RBFOX1: variants seen among roughly 807,000 people sequenced by gnomAD.
The protein encoded by RBFOX1 is RNA binding protein fox-1 homolog 1.
In RBFOX1, 8 loss-of-function variants were observed where a neutral mutation model predicts 57.7. The ratio of observed to expected loss-of-function variants is 0.14; its 90% CI spans 0.08 to 0.25. The LOEUF is 0.25. Among genes scored for constraint, RBFOX1 ranks in the 10% least tolerant of loss-of-function variants. RBFOX1 has a pLI of 1.00. For synonymous variants in RBFOX1, 326 were observed against 222.4 expected (o/e 1.47, Z -4.15); for missense variants, 611 against 548.5 (o/e 1.11, Z -1.14).
intron 1 of RBFOX1, among the ~76,000 whole-genome samples, chr16:6,124,417 C>T (rs936622407): frequency 6.6e-6 from 1 of 152,140 alleles, no homozygotes; most frequent in Non-Finnish European, 1.5e-5. Context: ...GTAAATGAGC[C>T]TAAGATGACC....
intron 2 of RBFOX1, among the ~76,000 whole-genome samples, chr16:6,625,298 A>C (rs1311919759): frequency 6.6e-6 from 1 of 152,022 alleles, no homozygotes; most frequent in Non-Finnish European, 1.5e-5. Flanking sequence ...AATAGAGTCG[A>C]TTTAAATTAG....
intron 1 of RBFOX1, among the ~76,000 whole-genome samples, chr16:6,026,530 A>G (rs1730231572): frequency 6.6e-6 from 1 of 152,216 alleles, no homozygotes; most frequent in Non-Finnish European, 1.5e-5. Flanking sequence ...TGCCTTTGCA[A>G]GATACAAGGG....
intron 2 of RBFOX1, among the ~76,000 whole-genome samples, chr16:6,375,967 C>G (rs2091121879): frequency 6.6e-6 from 1 of 152,074 alleles, no homozygotes; most frequent in Non-Finnish European, 1.5e-5. Context: ...TTTGGATCAC[C>G]CTGCTGCCTC....
intron 2 of RBFOX1, among the ~76,000 whole-genome samples, chr16:6,574,294 G>A (rs1007704886): frequency 3.8e-4 from 57 of 151,988 alleles, no homozygotes; most frequent in Non-Finnish European, 5.6e-4. Context: ...TTTCATGCCG[G>A]CTCTGCCTAG....
At chr16:6,194,321 A>G (rs950913070) in intron 1 of RBFOX1, among the ~76,000 whole-genome samples, 2 of 152,098 alleles carry the variant, frequency 1.3e-5, no homozygotes. Context: ...ACGAGCTTCT[A>G]ATTGGCATTT....
At chr16:7,581,935 A>G (rs1258629012) in intron 6 of RBFOX1, among the ~76,000 whole-genome samples, 1 of 151,740 alleles carries the variant, frequency 6.6e-6, no homozygotes, top group East Asian at 1.9e-4. Flanking sequence ...CAGGCTGCTC[A>G]CAAATTCCTG....
intron 2 of RBFOX1, among the ~76,000 whole-genome samples, chr16:6,354,889 G>T (rs982503637): frequency 6.6e-6 from 1 of 152,106 alleles, no homozygotes; most frequent in Admixed American, 6.5e-5. Context: ...GAGTCCTGAG[G>T]TTACCGTCAT....
chr16:5,838,198 T>A (rs1330381210), intron 3 of RBFOX1: 1 of 179,352 alleles, frequency 5.6e-6, no homozygotes, highest in Non-Finnish European at 1.3e-5. Flanking sequence ...TATGCTCACA[T>A]TACCACACAT....
At chr16:6,514,367 G>T (rs954649119) in intron 2 of RBFOX1, among the ~76,000 whole-genome samples, 1 of 152,044 alleles carries the variant, frequency 6.6e-6, no homozygotes, top group Non-Finnish European at 1.5e-5. Context: ...TCTTTCAGAG[G>T]GTAGAAGGAG....
intron 4 of RBFOX1, among the ~76,000 whole-genome samples, chr16:7,272,237 T>G (rs1309748607): frequency 6.6e-6 from 1 of 152,160 alleles, no homozygotes; most frequent in East Asian, 1.9e-4. Context: ...AGAGCTGGAG[T>G]GCATTGGTAT....
At chr16:7,134,320 G>A (rs1292992199) in intron 4 of RBFOX1, among the ~76,000 whole-genome samples, 1 of 152,134 alleles carries the variant, frequency 6.6e-6, no homozygotes, top group Non-Finnish European at 1.5e-5. Context: ...TCAGAAAGTA[G>A]ACTAAGTGAT....
rs551004833 is a variant in RBFOX1 at position 6,761,530 on chromosome 16, CAG to C, written c.-16+106883_-16+106884del. Among the ~76,000 whole-genome samples the C allele has an allele frequency of 2.0e-3, 16 of 7,982 alleles. 2 individuals are homozygous for C. The South Asian group carries it at 0.099, about 49-fold the overall frequency. The allele number at this position is 7,982 out of a possible 152,430, so 5.2% of individuals were successfully genotyped here. A position where few individuals can be genotyped will look rare whatever the true frequency, so the allele number is the denominator to read the frequency against. ...TTTTTTTTTTTTTTTTTTTTTGAGA[CAG>C]AGTCTTGCTCTGTCACCCAGGCTGG... On this transcript the variant is annotated intron_variant, in intron 3 of 15. Transcript: ENST00000550418.
At chr16:5,553,634 CTG>C (rs2045553984) in intron 2 of RBFOX1, among the ~76,000 whole-genome samples, 1 of 144,614 alleles carries the variant, frequency 6.9e-6, no homozygotes, top group Non-Finnish European at 1.5e-5. Context: ...TATTTTAAAA[CTG>C]TGCAGTAAGC....
intron 1 of RBFOX1, among the ~76,000 whole-genome samples, chr16:6,301,254 G>A (rs551079343): frequency 2.6e-5 from 4 of 152,278 alleles, no homozygotes; most frequent in Admixed American, 2.6e-4. Flanking sequence ...TCATATACAT[G>A]AGTTCTGTAT....
At chr16:7,305,711 T>C (rs926689645) in intron 4 of RBFOX1, among the ~76,000 whole-genome samples, 6 of 152,220 alleles carry the variant, frequency 3.9e-5, no homozygotes, top group Non-Finnish European at 1.5e-5. Flanking sequence ...TCAAGTTGGT[T>C]GACTCCAGAA....
At chr16:6,478,429 A>ATATATAT (rs1159954387) in intron 2 of RBFOX1, among the ~76,000 whole-genome samples, 14 of 24,608 alleles carry the variant, frequency 5.7e-4, no homozygotes, top group African/African-American at 7.7e-4. Flanking sequence ...ATATATATAT[A>ATATATAT]TTTTTTTTTT....
intron 4 of RBFOX1, among the ~76,000 whole-genome samples, chr16:7,241,155 A>G (rs534574132): frequency 3.3e-5 from 5 of 152,232 alleles, no homozygotes; most frequent in African/African-American, 4.8e-5. Flanking sequence ...TTGGAAAATG[A>G]AAAATCCACT....
Position 6,636,783 on chromosome 16 carries a change from A to AATATATGTTATATATAATATATAAT in RBFOX1, c.-63-17814_-63-17813insGTTATATATAATATATAATATATAT, listed in dbSNP as rs1567981466. On this transcript the variant is annotated intron_variant, in intron 2 of 15. Transcript: ENST00000550418. ...TATATATATAATATATAATATATAT[A>AATATATGTTATATATAATATATAAT]ATATATAATATATGTTATATATAAT... 2.0e-3 allele frequency among the ~76,000 whole-genome samples: 73 copies of AATATATGTTATATATAATATATAAT among 36,618 alleles called. 8 individuals carry two copies. Among genetic ancestry groups the AATATATGTTATATATAATATATAAT allele is most frequent in the Non-Finnish European group, 2.4e-3 (44 of 18,564 alleles). The allele number at this position is 36,618 out of a possible 152,430, so 24.0% of individuals were successfully genotyped here.
chr16:6,106,677 C>A (rs939804600), intron 1 of RBFOX1, among the ~76,000 whole-genome samples: 1 of 151,706 alleles, frequency 6.6e-6, no homozygotes, highest in Admixed American at 6.6e-5. Context: ...TCCTTCTTTT[C>A]CTTTTTTTGA....
Sources: allele counts gnomAD v4.1 joint callset (sites outside exome capture counted in the v4.1 genomes callset), GRCh38; gene constraint gnomAD v4.1.1; transcripts MANE v1.5; gene names NCBI Gene and HGNC (gene_info 2026-07-23, HGNC 2026-07-21).